CACNA2D3: variants seen among roughly 807,000 people sequenced by gnomAD.
The protein encoded by CACNA2D3 is calcium voltage-gated channel auxiliary subunit alpha2delta 3.
A neutral mutation model predicts 160.6 loss-of-function variants in CACNA2D3; 60 were observed. That is an observed-to-expected ratio of 0.37 (90% CI 0.30 to 0.46). CACNA2D3 has a LOEUF of 0.46. Ranked by LOEUF, CACNA2D3 falls within the 20% of genes least tolerant of loss-of-function variation. The probability of loss-of-function intolerance (pLI) is 1.00; values close to 1 mark genes in which losing one functional copy is unlikely to be tolerated. For synonymous variants in CACNA2D3, 558 were observed against 492.9 expected, an observed-to-expected ratio of 1.13 and a Z score of -1.75; for missense variants, 1,205 against 1,365.0, an observed-to-expected ratio of 0.88 and a Z score of 1.85.
chr3:54,551,103 C>G (rs1348760741), intron 5 of CACNA2D3, among the ~76,000 whole-genome samples: 4 of 152,206 alleles, frequency 2.6e-5, no homozygotes, highest in African/African-American at 9.6e-5. Context: ...TCTGCAAAGC[C>G]CTACTTGGTT....
chr3:54,332,017 A>G (rs1704269777), intron 3 of CACNA2D3, among the ~76,000 whole-genome samples: 1 of 152,220 alleles, frequency 6.6e-6, no homozygotes, highest in Non-Finnish European at 1.5e-5. Context: ...GGGATGAAAA[A>G]TGCTCAAAGT....
chr3:54,832,011 T>TCAAACACACA, intron 14 of CACNA2D3, among the ~76,000 whole-genome samples: 1 of 118,954 alleles, frequency 8.4e-6, no homozygotes, highest in Admixed American at 8.7e-5. Context: ...CTCTTCTCTG[T>TCAAACACACA]CACACACACA....
chr3:54,595,045 A>G (rs1268359353), intron 9 of CACNA2D3, among the ~76,000 whole-genome samples: 1 of 152,228 alleles, frequency 6.6e-6, no homozygotes, highest in Non-Finnish European at 1.5e-5. Context: ...TCTATAGAGT[A>G]AATTCTAGTT....
At chr3:54,419,930 T>G (rs929534731) in intron 4 of CACNA2D3, among the ~76,000 whole-genome samples, 1 of 151,922 alleles carries the variant, frequency 6.6e-6, no homozygotes, top group Non-Finnish European at 1.5e-5. Context: ...CATGCCTGGC[T>G]AATTTTTGTA....
intron 3 of CACNA2D3, among the ~76,000 whole-genome samples, chr3:54,328,276 C>A (rs1009534195): frequency 6.6e-6 from 1 of 151,850 alleles, no homozygotes; most frequent in Non-Finnish European, 1.5e-5. Flanking sequence ...TGTTTTGTTT[C>A]GTTTGTTTGT....
chr3:55,007,693 C>T, intron 32 of CACNA2D3, 97 bp from the exon 33 acceptor site: 1 of 762,970 alleles, frequency 1.3e-6, no homozygotes. Context: ...ATCAATCTCT[C>T]TAGAAGAATA....
Position 54,122,707 on chromosome 3 carries a change from G to C in CACNA2D3, c.-7G>C, listed in dbSNP as rs1576940299. On this transcript the variant is annotated 5_prime_UTR_variant, in exon 1 of 38. Transcript: ENST00000474759. ...CGCCGCAGCGGGCGCGTCGGAGGGA[G>C]CCCAGCATGGCCGGGCCGGGCTCGC... The C allele has an allele frequency of 8.5e-7, 1 of 1,174,254 alleles. No homozygotes were observed. Among genetic ancestry groups the C allele is most frequent in the Admixed American group, 4.6e-5 (1 of 21,556 alleles). 72.7% of individuals were successfully genotyped at this position (1,174,254 alleles called of 1,614,324 possible).
chr3:54,403,542 TAAG>T (rs1256289350), intron 4 of CACNA2D3, among the ~76,000 whole-genome samples: 1 of 151,778 alleles, frequency 6.6e-6, no homozygotes, highest in East Asian at 1.9e-4. Context: ...TTTCAAATAA[TAAG>T]AAGAAAGATT....
chr3:54,505,106 A>C (rs1045623547), intron 5 of CACNA2D3, among the ~76,000 whole-genome samples: 1 of 152,174 alleles, frequency 6.6e-6, no homozygotes, highest in African/African-American at 2.4e-5. Flanking sequence ...TGGATACCTA[A>C]TGTCTCTTTT....
chr3:54,151,833 C>T (rs1364778630), intron 2 of CACNA2D3, among the ~76,000 whole-genome samples: 2 of 152,178 alleles, frequency 1.3e-5, no homozygotes. Context: ...CATTCCTCTG[C>T]CTTTATCTCC....
intron 11 of CACNA2D3, among the ~76,000 whole-genome samples, chr3:54,685,160 C>G (rs534664422): frequency 3.9e-5 from 6 of 152,110 alleles, no homozygotes; most frequent in Non-Finnish European, 5.9e-5. Context: ...GGATGGACTT[C>G]CTGAGGCCAG....
intron 11 of CACNA2D3, among the ~76,000 whole-genome samples, chr3:54,734,765 C>A (rs1225682422): frequency 1.3e-5 from 2 of 152,218 alleles, no homozygotes; most frequent in Non-Finnish European, 2.9e-5. Flanking sequence ...GGGATAATAA[C>A]TGGTTGTCAG....
intron 27 of CACNA2D3, among the ~76,000 whole-genome samples, chr3:54,956,043 G>GC (rs894859128): frequency 8.5e-5 from 13 of 152,152 alleles, no homozygotes; most frequent in African/African-American, 3.1e-4. Flanking sequence ...AGTGCCGTCC[G>GC]CCCCTCCTTA....
chr3:54,350,968 G>GGTTTTTTTTTTTTTTTT (rs1698542647), intron 3 of CACNA2D3, among the ~76,000 whole-genome samples: 2 of 56,108 alleles, frequency 3.6e-5, no homozygotes, highest in Non-Finnish European at 7.0e-5. Context: ...TCTTGAGTCT[G>GGTTTTTTTTTTTTTTTT]TTTTTTTTTT....
chr3:54,409,858 A>G (rs1226032107), intron 4 of CACNA2D3, among the ~76,000 whole-genome samples: 1 of 152,250 alleles, frequency 6.6e-6, no homozygotes, highest in African/African-American at 2.4e-5. Flanking sequence ...GAGTTGGTTC[A>G]TGAGGCTTAA....
intron 11 of CACNA2D3, among the ~76,000 whole-genome samples, chr3:54,728,182 A>G (rs1701313478): frequency 6.7e-6 from 1 of 149,450 alleles, no homozygotes; most frequent in African/African-American, 2.6e-5. Flanking sequence ...CCTTTGCCCC[A>G]TTCTTTTTTT....
At chr3:54,761,046 A>G (rs1702071187) in intron 12 of CACNA2D3, among the ~76,000 whole-genome samples, 1 of 151,744 alleles carries the variant, frequency 6.6e-6, no homozygotes, top group South Asian at 2.1e-4. Context: ...GTCCTTTTCC[A>G]AATGTATGAT....
At chr3:54,176,941 T>G (rs529811513) in intron 2 of CACNA2D3, among the ~76,000 whole-genome samples, 1 of 152,260 alleles carries the variant, frequency 6.6e-6, no homozygotes, top group South Asian at 2.1e-4. Flanking sequence ...AGGGCCTTGG[T>G]TTCCAGTATA....
At chr3:54,778,399 A>G (rs1702463482) in intron 13 of CACNA2D3, among the ~76,000 whole-genome samples, 1 of 151,970 alleles carries the variant, frequency 6.6e-6, no homozygotes, top group Non-Finnish European at 1.5e-5. Context: ...CACCGAGACC[A>G]CTGTACCTGC....
Sources: allele counts gnomAD v4.1 joint callset (sites outside exome capture counted in the v4.1 genomes callset), GRCh38; gene constraint gnomAD v4.1.1; transcripts MANE v1.5; gene names NCBI Gene and HGNC (gene_info 2026-07-23, HGNC 2026-07-21).